Variants in CNTNAP5 observed in about 807,000 individuals in gnomAD.
The protein encoded by CNTNAP5 is contactin associated protein family member 5.
Under a neutral mutation model 150.2 loss-of-function variants are expected in CNTNAP5, and 72 were observed. The observed-to-expected ratio is 0.48, with a 90% CI of 0.40 to 0.58. The LOEUF is 0.58. Ranked by LOEUF, CNTNAP5 falls within the 20% of genes least tolerant of loss-of-function variation. The pLI, the probability that CNTNAP5 is intolerant of heterozygous loss-of-function variation, is 0.00. For missense variants in CNTNAP5, 1,636 were observed against 1,626.2 expected, an observed-to-expected ratio of 1.01 and a Z score of -0.10; for synonymous variants, 672 against 619.8, an observed-to-expected ratio of 1.08 and a Z score of -1.25.
At chr2:124,463,766 A>G (rs1185850333) in intron 6 of CNTNAP5, among the ~76,000 whole-genome samples, 1 of 152,160 alleles carries the variant, frequency 6.6e-6, no homozygotes, top group African/African-American at 2.4e-5. Flanking sequence ...TTAGCCTGGG[A>G]CTTTTCATTG....
At chr2:124,280,946 T>G (rs926918895) in intron 3 of CNTNAP5, among the ~76,000 whole-genome samples, 1 of 152,150 alleles carries the variant, frequency 6.6e-6, no homozygotes, top group African/African-American at 2.4e-5. Context: ...AAGCTGTTTC[T>G]CTAAATAGGA....
chr2:124,918,365 C>A lies in CNTNAP5; in HGVS notation c.*4077C>A, dbSNP rs1471392745. ...TTTCTGAACCTAACTGAAGTCTACC[C>A]TTCCATCAGTAATTGACTAAAAAAA... On this transcript the variant is annotated 3_prime_UTR_variant, in exon 24 of 24. Coordinates refer to ENST00000682447, the MANE Select transcript of CNTNAP5 (RefSeq NM_001367498.1). Among the ~76,000 whole-genome samples the A allele has an allele frequency of 6.6e-6, 1 of 152,038 alleles. No individual in the cohort carries two copies. The highest frequency in any genetic ancestry group is 1.9e-4 in the East Asian group (1 of 5,166).
At chr2:124,417,909 G>C (rs1347505064) in intron 4 of CNTNAP5, among the ~76,000 whole-genome samples, 1 of 152,182 alleles carries the variant, frequency 6.6e-6, no homozygotes, top group Non-Finnish European at 1.5e-5. Flanking sequence ...GTGGCATTAG[G>C]TATTATAAAG....
At chr2:124,357,162 T>C (rs549633783) in intron 3 of CNTNAP5, among the ~76,000 whole-genome samples, 4 of 152,336 alleles carry the variant, frequency 2.6e-5, no homozygotes, top group Admixed American at 2.6e-4. Context: ...TGTTTGTTTT[T>C]TTCTTGTAAA....
chr2:124,681,723 C>T (rs973157217), intron 13 of CNTNAP5, among the ~76,000 whole-genome samples: 2 of 152,108 alleles, frequency 1.3e-5, no homozygotes, highest in Non-Finnish European at 1.5e-5. Flanking sequence ...GCCACCATGG[C>T]AGGCTAATTT....
At chr2:124,693,043 CA>C (rs113496752) in intron 13 of CNTNAP5, among the ~76,000 whole-genome samples, 12 of 152,150 alleles carry the variant, frequency 7.9e-5, no homozygotes, top group African/African-American at 2.9e-4. Context: ...TTTTTACCCA[CA>C]AATTTCAGTT....
At chr2:124,352,150 T>A (rs537653017) in intron 3 of CNTNAP5, among the ~76,000 whole-genome samples, 1 of 152,156 alleles carries the variant, frequency 6.6e-6, no homozygotes, top group African/African-American at 2.4e-5. Flanking sequence ...TCTGCTACAA[T>A]GACCTTGCCT....
chr2:124,290,141 C>T (rs919920912), intron 3 of CNTNAP5, among the ~76,000 whole-genome samples: 28 of 152,206 alleles, frequency 1.8e-4, no homozygotes, highest in African/African-American at 5.8e-4. Context: ...CCGGGTAGAT[C>T]GCTGGTCTGA....
chr2:124,263,034 T>G (rs1378231617), intron 3 of CNTNAP5, among the ~76,000 whole-genome samples: 5 of 152,188 alleles, frequency 3.3e-5, no homozygotes, highest in Admixed American at 6.5e-5. Flanking sequence ...CACATTTTCT[T>G]AATCCAGTCT....
chr2:124,547,273 G>A (rs1695534445), intron 10 of CNTNAP5, among the ~76,000 whole-genome samples: 1 of 152,044 alleles, frequency 6.6e-6, no homozygotes, highest in South Asian at 2.1e-4. Flanking sequence ...GCCCCGCAAG[G>A]AAAAATTAAA....
At chr2:124,727,663 C>T (rs1272207898) in intron 13 of CNTNAP5, among the ~76,000 whole-genome samples, 1 of 151,962 alleles carries the variant, frequency 6.6e-6, no homozygotes, top group Non-Finnish European at 1.5e-5. Context: ...ATGTTGATTT[C>T]ATTTTCTGCA....
chr2:124,310,746 G>T (rs1688809078), intron 3 of CNTNAP5, among the ~76,000 whole-genome samples: 1 of 152,118 alleles, frequency 6.6e-6, no homozygotes, highest in African/African-American at 2.4e-5. Context: ...AGTGTCTAAT[G>T]TCATAAAAAT....
intron 1 of CNTNAP5, among the ~76,000 whole-genome samples, chr2:124,143,674 C>T (rs1460412715): frequency 8.1e-6 from 1 of 124,204 alleles, no homozygotes; most frequent in Non-Finnish European, 1.7e-5. Context: ...GACAAACCCA[C>T]AGCCAATATC....
At chr2:124,395,364 C>T (rs1443636777) in intron 3 of CNTNAP5, among the ~76,000 whole-genome samples, 3 of 152,102 alleles carry the variant, frequency 2.0e-5, no homozygotes, top group Non-Finnish European at 4.4e-5. Flanking sequence ...GAGTCCACTG[C>T]GGGCAACTTA....
chr2:124,414,385 A>G (rs1691864683), intron 3 of CNTNAP5, among the ~76,000 whole-genome samples: 1 of 152,088 alleles, frequency 6.6e-6, no homozygotes, highest in African/African-American at 2.4e-5. Flanking sequence ...AGGTGACCTT[A>G]AGCTGCTAGC....
chr2:124,347,215 T>C (rs934562091), intron 3 of CNTNAP5, among the ~76,000 whole-genome samples: 4 of 152,134 alleles, frequency 2.6e-5, no homozygotes, highest in Admixed American at 1.3e-4. Context: ...GCTTGAATGG[T>C]TTATTAACTG....
intron 3 of CNTNAP5, among the ~76,000 whole-genome samples, chr2:124,368,471 T>C (rs1052113591): frequency 6.6e-6 from 1 of 152,138 alleles, no homozygotes; most frequent in Non-Finnish European, 1.5e-5. Context: ...AGGAAGTTCA[T>C]TTACAGAAAT....
chr2:124,287,507 G>A (rs922562740), intron 3 of CNTNAP5, among the ~76,000 whole-genome samples: 3 of 152,124 alleles, frequency 2.0e-5, no homozygotes, highest in East Asian at 1.9e-4. Context: ...TGTTTTTAGA[G>A]AAGCTCAAAT....
chr2:124,103,369 A>G (rs912785815), intron 1 of CNTNAP5, among the ~76,000 whole-genome samples: 19 of 152,118 alleles, frequency 1.2e-4, no homozygotes, highest in Non-Finnish European at 2.2e-4. Context: ...GGCTAAGTGT[A>G]CAGTGTTTAT....
Sources: gnomAD v4.1 joint callset for allele counts (sites outside exome capture counted in the v4.1 genomes callset) on GRCh38, gnomAD v4.1.1 for gene constraint, MANE v1.5 for transcripts, NCBI Gene and HGNC (gene_info 2026-07-23, HGNC 2026-07-21) for gene names.